The following SOX5 variants were observed in gnomAD, a reference collection of about 807,000 sequenced individuals.
SOX5 encodes transcription factor SOX-5.
SOX5 carries 9 observed loss-of-function variants against 92.0 expected under a neutral mutation model. The ratio of observed to expected loss-of-function variants is 0.10; its 90% confidence interval spans 0.06 to 0.17. The LOEUF (loss-of-function observed/expected upper bound fraction) is 0.17, where lower values mean the gene tolerates loss of function less well. Ranked by LOEUF, SOX5 falls within the 10% of genes least tolerant of loss-of-function variation. The probability of loss-of-function intolerance (pLI) is 1.00; values close to 1 mark genes in which losing one functional copy is unlikely to be tolerated. For synonymous variants in SOX5, 344 were observed against 336.3 expected (o/e 1.02, Z -0.25); for missense variants, 642 against 944.5 (o/e 0.68, Z 4.20).
chr12:23,714,387 C>T (rs1260537839), intron 6 of SOX5, among the ~76,000 whole-genome samples: 3 of 151,862 alleles, frequency 2.0e-5, no homozygotes, highest in Admixed American at 6.6e-5. Context: ...TTTGGGAGGC[C>T]GAGGCAGGTG....
At chr12:23,828,104 CT>C (rs1269675397) in intron 3 of SOX5, among the ~76,000 whole-genome samples, 2 of 152,118 alleles carry the variant, frequency 1.3e-5, no homozygotes, top group Non-Finnish European at 1.5e-5. Context: ...TCTACTGTAC[CT>C]TTTTTATGTG....
At chr12:23,777,386 TA>T in intron 3 of SOX5, among the ~76,000 whole-genome samples, 1 of 152,330 alleles carries the variant, frequency 6.6e-6, no homozygotes, top group South Asian at 2.1e-4. Context: ...AGACAGACAG[TA>T]ATCAGAATAT....
chr12:23,655,118 C>A (rs2082148619), intron 7 of SOX5, among the ~76,000 whole-genome samples: 1 of 152,010 alleles, frequency 6.6e-6, no homozygotes, highest in African/African-American at 2.4e-5. Flanking sequence ...AATGGGAAGA[C>A]CTTTCTGCAT....
chr12:24,094,020 C>G (rs984733881), intron 4 of SOX5, among the ~76,000 whole-genome samples: 1 of 150,826 alleles, frequency 6.6e-6, no homozygotes, highest in Non-Finnish European at 1.5e-5. Context: ...GATCTCGGCT[C>G]ACTGCAACCT....
rs186912413 is a variant in SOX5, at chr12:24,533,129, T to C, written c.-251+29200A>G. On this transcript the variant is annotated intron_variant, in intron 1 of 4. Coordinates refer to the SOX5 transcript ENST00000446891. ...TACTTGTGATATATAGATGCATTTC[T>C]AGGTTTTTTTTCTTTCCAGGGCAAG... 1.6e-3 allele frequency among the ~76,000 whole-genome samples: 248 copies of C among 152,358 alleles called. 4 individuals carry two copies. The highest frequency in any genetic ancestry group is 1.9e-4 in the Non-Finnish European group (13 of 68,030).
rs145081752 is a variant in SOX5, at chr12:23,541,649, A to G, written c.1771+1562T>C. Among the ~76,000 whole-genome samples, 121 of 152,224 alleles carry G rather than the reference A, an allele frequency of 7.9e-4. 1 individual carries two copies. The highest frequency in any genetic ancestry group is 2.7e-3 in the African/African-American group (113 of 41,548). ...TATATTTTTACACACAGATTTTCATATTTTCTATGTATACTACTGAAAGCT... is the reference window on the plus strand; with the variant it reads ...TATATTTTTACACACAGATTTTCATGTTTTCTATGTATACTACTGAAAGCT... On this transcript the variant is annotated intron_variant, in intron 13 of 14. Coordinates refer to ENST00000451604, the MANE Select transcript of SOX5 (RefSeq NM_006940.6).
At chr12:23,767,138 T>C (rs932147983) in intron 3 of SOX5, among the ~76,000 whole-genome samples, 90 of 150,738 alleles carry the variant, frequency 6.0e-4, no homozygotes, top group African/African-American at 2.0e-3. Context: ...GCCTGGGAGG[T>C]AGAGGCTGCA....
At chr12:24,518,847 T>A (rs1950021992) in intron 1 of SOX5, among the ~76,000 whole-genome samples, 2 of 152,184 alleles carry the variant, frequency 1.3e-5, no homozygotes, top group Admixed American at 1.3e-4. Flanking sequence ...AATCATTAAA[T>A]TGTTTTACTT....
chr12:24,261,549 C>G (rs1470211270), intron 3 of SOX5, among the ~76,000 whole-genome samples: 1 of 152,148 alleles, frequency 6.6e-6, no homozygotes, highest in South Asian at 2.1e-4. Context: ...GCCATAAACA[C>G]AGCATATGCT....
intron 4 of SOX5, among the ~76,000 whole-genome samples, chr12:24,013,027 T>C (rs1392269311): frequency 1.3e-5 from 2 of 152,156 alleles, no homozygotes; most frequent in Admixed American, 6.6e-5. Flanking sequence ...TTGTGTCTTA[T>C]CCAACATGAA....
intron 4 of SOX5, among the ~76,000 whole-genome samples, chr12:23,986,067 G>A (rs528428305): frequency 2.6e-5 from 4 of 152,168 alleles, no homozygotes; most frequent in South Asian, 2.1e-4. Flanking sequence ...AAGGTCAACT[G>A]ATTAGCAACC....
At chr12:24,272,136 A>G (rs1214622679) in intron 3 of SOX5, among the ~76,000 whole-genome samples, 1 of 152,224 alleles carries the variant, frequency 6.6e-6, no homozygotes, top group Non-Finnish European at 1.5e-5. Context: ...ATATCTCATC[A>G]TTCATATCAG....
intron 13 of SOX5, among the ~76,000 whole-genome samples, chr12:23,540,504 A>T (rs773527509): frequency 6.6e-6 from 1 of 152,128 alleles, no homozygotes; most frequent in Non-Finnish European, 1.5e-5. Flanking sequence ...ATAAGGTCCA[A>T]CGATTATTCC....
intron 6 of SOX5, among the ~76,000 whole-genome samples, chr12:23,673,606 C>T (rs2085156637): frequency 6.6e-6 from 1 of 151,986 alleles, no homozygotes; most frequent in Non-Finnish European, 1.5e-5. Context: ...TTCCCTATTA[C>T]TTTCTAATTT....
intron 3 of SOX5, among the ~76,000 whole-genome samples, chr12:23,810,066 T>A (rs1439933655): frequency 6.6e-6 from 1 of 152,116 alleles, no homozygotes; most frequent in East Asian, 1.9e-4. Flanking sequence ...AGAAAAAACA[T>A]ACATCTACTA....
At chr12:23,598,155 G>C (rs141424625) in intron 9 of SOX5, among the ~76,000 whole-genome samples, 1 of 152,256 alleles carries the variant, frequency 6.6e-6, no homozygotes, top group East Asian at 1.9e-4. Context: ...AGCTCTCAGA[G>C]TAAGTCAAAT....
chr12:23,580,092 G>A (rs980848755), intron 9 of SOX5, among the ~76,000 whole-genome samples: 11 of 151,950 alleles, frequency 7.2e-5, no homozygotes, highest in Admixed American at 2.6e-4. Context: ...ATTTTAACTA[G>A]TAGAAGGCTA....
intron 1 of SOX5, among the ~76,000 whole-genome samples, chr12:23,937,100 CT>C (rs1418756979): frequency 6.6e-6 from 1 of 151,000 alleles, no homozygotes; most frequent in Non-Finnish European, 1.5e-5. Flanking sequence ...CATATATAAC[CT>C]CAACAAATCA....
chr12:24,340,213 T>G (rs1160158323), intron 2 of SOX5, among the ~76,000 whole-genome samples: 4 of 152,216 alleles, frequency 2.6e-5, no homozygotes, highest in Admixed American at 1.3e-4. Context: ...TTCTGTTTGT[T>G]TTTAAACCAC....
Sources: allele counts gnomAD v4.1 joint callset (sites outside exome capture counted in the v4.1 genomes callset), GRCh38; gene constraint gnomAD v4.1.1; transcripts MANE v1.5; gene names NCBI Gene and HGNC (gene_info 2026-07-23, HGNC 2026-07-21).